PTPRD: variants seen among roughly 807,000 people sequenced by gnomAD.
PTPRD encodes receptor-type tyrosine-protein phosphatase delta.
Under a neutral mutation model 214.5 loss-of-function variants are expected in PTPRD, and 34 were observed. That is an observed-to-expected ratio of 0.16 (90% confidence interval 0.12 to 0.21). The LOEUF is 0.21. Among genes scored for constraint, PTPRD ranks in the 10% least tolerant of loss-of-function variants. The pLI, the probability that PTPRD is intolerant of heterozygous loss-of-function variation, is 1.00. For missense variants in PTPRD, 2,545 were observed against 2,398.7 expected (o/e 1.06, Z -1.27); for synonymous variants, 1,128 against 845.7 (o/e 1.33, Z -5.79).
chr9:8,812,550 T>C (rs1405886257), intron 11 of PTPRD, among the ~76,000 whole-genome samples: 1 of 152,168 alleles, frequency 6.6e-6, no homozygotes, highest in Non-Finnish European at 1.5e-5. Context: ...GTGCAACGAC[T>C]TAAGAAAGAT....
intron 2 of PTPRD, among the ~76,000 whole-genome samples, chr9:10,406,419 T>C (rs1198521166): frequency 6.6e-6 from 1 of 151,552 alleles, no homozygotes; most frequent in Non-Finnish European, 1.5e-5. Flanking sequence ...TCTACACAGA[T>C]TTCATAGTAT....
chr9:8,692,787 C>G (rs994834505), intron 12 of PTPRD, among the ~76,000 whole-genome samples: 2 of 152,104 alleles, frequency 1.3e-5, no homozygotes, highest in Non-Finnish European at 2.9e-5. Context: ...TTTTAAGAAC[C>G]CCCAAATTCA....
chr9:9,185,483 T>C (rs1040767819), intron 9 of PTPRD, among the ~76,000 whole-genome samples: 11 of 152,098 alleles, frequency 7.2e-5, no homozygotes, highest in Non-Finnish European at 1.6e-4. Context: ...ACTTGCTGGT[T>C]AAGTTTAGTC....
At chr9:8,652,445 C>A (rs1264697408) in intron 12 of PTPRD, among the ~76,000 whole-genome samples, 1 of 152,206 alleles carries the variant, frequency 6.6e-6, no homozygotes, top group East Asian at 1.9e-4. Context: ...AGCTGATGGG[C>A]CCAGCCCCCT....
chr9:8,474,757 G>A (rs138196072), intron 30 of PTPRD, among the ~76,000 whole-genome samples: 43 of 152,234 alleles, frequency 2.8e-4, no homozygotes, highest in African/African-American at 1.0e-3. Flanking sequence ...CAAAGATTCA[G>A]ACAAGAATTC....
At chr9:8,467,689 CTG>C (rs2096570819) in intron 31 of PTPRD, among the ~76,000 whole-genome samples, 1 of 137,548 alleles carries the variant, frequency 7.3e-6, no homozygotes, top group Non-Finnish European at 1.7e-5. Context: ...TGTTCTAACT[CTG>C]TGTATTTATA....
intron 5 of PTPRD, among the ~76,000 whole-genome samples, chr9:9,933,624 T>C (rs1256109964): frequency 2.7e-5 from 4 of 150,204 alleles, no homozygotes; most frequent in Admixed American, 6.6e-5. Flanking sequence ...CACACATTAA[T>C]AATGGGAGAC....
intron 14 of PTPRD, among the ~76,000 whole-genome samples, chr9:8,568,535 C>T (rs550378065): frequency 5.3e-5 from 8 of 152,214 alleles, no homozygotes; most frequent in South Asian, 2.1e-4. Flanking sequence ...GATTATTAAC[C>T]TTCGGTAAAA....
chr9:9,256,471 TA>T (rs2099977750), intron 9 of PTPRD, among the ~76,000 whole-genome samples: 1 of 151,838 alleles, frequency 6.6e-6, no homozygotes, highest in Non-Finnish European at 1.5e-5. Context: ...TGTTCTTGCC[TA>T]AAAGATTTAA....
rs567021334 is a variant in PTPRD, at chr9:9,379,172, G to C, written c.-203+18277C>G. Among the ~76,000 whole-genome samples the C allele has an allele frequency of 1.8e-4, 27 of 147,218 alleles. No homozygotes were observed. The South Asian group carries it at 4.4e-3, about 24-fold the overall frequency. On this transcript the variant is annotated intron_variant, in intron 9 of 45. Coordinates refer to ENST00000381196, the MANE Select transcript of PTPRD (RefSeq NM_002839.4). Reference sequence around the variant, plus strand: ...TGATCCATTTGAGTTAAAAATTTTTGTGAAGGGCATAGGTCTATGTTGAGA... The same window carrying C: ...TGATCCATTTGAGTTAAAAATTTTTCTGAAGGGCATAGGTCTATGTTGAGA...
intron 2 of PTPRD, among the ~76,000 whole-genome samples, chr9:10,484,351 T>C (rs942816602): frequency 6.6e-6 from 1 of 152,070 alleles, no homozygotes; most frequent in Non-Finnish European, 1.5e-5. Flanking sequence ...ACATATACTA[T>C]GTGGGTTATG....
chr9:9,946,318 A>C (rs1050855041), intron 4 of PTPRD, among the ~76,000 whole-genome samples: 9 of 152,168 alleles, frequency 5.9e-5, no homozygotes, highest in Non-Finnish European at 1.0e-4. Flanking sequence ...GTGGACAATT[A>C]ATCATGTTAC....
At chr9:10,347,793 C>T (rs989820840) in intron 2 of PTPRD, among the ~76,000 whole-genome samples, 2 of 152,014 alleles carry the variant, frequency 1.3e-5, no homozygotes, top group Admixed American at 6.6e-5. Context: ...AGCAGTGGCT[C>T]ACGCCTGTAA....
chr9:9,957,351 T>G (rs1270561467), intron 4 of PTPRD, among the ~76,000 whole-genome samples: 2 of 152,006 alleles, frequency 1.3e-5, no homozygotes, highest in Non-Finnish European at 2.9e-5. Context: ...GATACAAAGC[T>G]TAACAAGAAA....
intron 8 of PTPRD, among the ~76,000 whole-genome samples, chr9:9,485,678 T>C (rs2095599388): frequency 6.6e-6 from 1 of 152,216 alleles, no homozygotes; most frequent in Non-Finnish European, 1.5e-5. Context: ...ATTATTTTCT[T>C]CTTTCCTCTT....
At chr9:8,906,919 C>T (rs992141930) in intron 11 of PTPRD, among the ~76,000 whole-genome samples, 1 of 152,126 alleles carries the variant, frequency 6.6e-6, no homozygotes, top group Non-Finnish European at 1.5e-5. Context: ...AGGGCCCAAA[C>T]TTTCCATCCA....
intron 10 of PTPRD, among the ~76,000 whole-genome samples, chr9:9,109,586 T>A (rs1260090892): frequency 6.6e-6 from 1 of 152,064 alleles, no homozygotes; most frequent in African/African-American, 2.4e-5. Flanking sequence ...TCATAACAGT[T>A]ATACTGCAGA....
intron 39 of PTPRD, among the ~76,000 whole-genome samples, chr9:8,375,097 A>G (rs758785648): frequency 2.0e-5 from 3 of 151,948 alleles, no homozygotes; most frequent in Non-Finnish European, 2.9e-5. Context: ...TCATATTTGA[A>G]TTTCTCAGGT....
intron 9 of PTPRD, among the ~76,000 whole-genome samples, chr9:9,291,000 C>T (rs1250053055): frequency 6.6e-6 from 1 of 151,336 alleles, no homozygotes; most frequent in Non-Finnish European, 1.5e-5. Context: ...CTAATAATAG[C>T]AAAGATATCT....
Sources: allele counts gnomAD v4.1 joint callset (sites outside exome capture counted in the v4.1 genomes callset), GRCh38; gene constraint gnomAD v4.1.1; transcripts MANE v1.5; gene names NCBI Gene and HGNC (gene_info 2026-07-23, HGNC 2026-07-21).